Variants in TAFA1 observed in about 807,000 individuals in gnomAD.
The protein encoded by TAFA1 is chemokine-like protein TAFA-1.
Under a neutral mutation model 18.5 loss-of-function variants are expected in TAFA1, and 4 were observed. The observed-to-expected ratio is 0.22, with a 90% CI of 0.11 to 0.49. The LOEUF is 0.49. TAFA1 is among the 20% of genes least tolerant of loss of function. The probability of loss-of-function intolerance (pLI) is 0.98; values close to 1 mark genes in which losing one functional copy is unlikely to be tolerated. For missense variants in TAFA1, 147 were observed against 169.0 expected (o/e 0.87, Z 0.72); for synonymous variants, 56 against 55.2 (o/e 1.01, Z -0.06).
intron 2 of TAFA1, among the ~76,000 whole-genome samples, chr3:68,117,318 A>C (rs1268150050): frequency 6.6e-6 from 1 of 152,170 alleles, no homozygotes; most frequent in African/African-American, 2.4e-5. Context: ...ACATACTATG[A>C]GATTTTTTCC....
chr3:68,164,435 T>A (rs1316627552), intron 2 of TAFA1, among the ~76,000 whole-genome samples: 1 of 152,178 alleles, frequency 6.6e-6, no homozygotes, highest in African/African-American at 2.4e-5. Flanking sequence ...TTTGAATAAA[T>A]CCTTTTTGTC....
intron 2 of TAFA1, among the ~76,000 whole-genome samples, chr3:68,057,575 G>A (rs1006084092): frequency 1.1e-4 from 17 of 152,132 alleles, no homozygotes; most frequent in African/African-American, 3.6e-4. Context: ...TGCAAAATAA[G>A]GGCTCTCCCT....
At chr3:68,253,289 T>A (rs933729276) in intron 2 of TAFA1, among the ~76,000 whole-genome samples, 1 of 152,182 alleles carries the variant, frequency 6.6e-6, no homozygotes, top group Non-Finnish European at 1.5e-5. Context: ...TTGGTATACT[T>A]GTCAAAATGA....
intron 2 of TAFA1, among the ~76,000 whole-genome samples, chr3:68,212,094 C>T (rs754331051): frequency 2.6e-5 from 4 of 151,838 alleles, no homozygotes; most frequent in African/African-American, 4.8e-5. Flanking sequence ...AGGGTAGCCA[C>T]AGTGGGCTTT....
chr3:68,050,308 C>T (rs1057160090), intron 2 of TAFA1, among the ~76,000 whole-genome samples: 7 of 152,164 alleles, frequency 4.6e-5, no homozygotes, highest in African/African-American at 1.7e-4. Context: ...GTATCACCCT[C>T]AGACTCTTTG....
At chr3:68,374,842 G>T (rs79453415) in intron 2 of TAFA1, among the ~76,000 whole-genome samples, 1,633 of 152,244 alleles carry the variant, frequency 0.011, 29 homozygotes, top group African/African-American at 0.037. Flanking sequence ...TTATCTCAAT[G>T]ATCTCAGACA....
intron 3 of TAFA1, among the ~76,000 whole-genome samples, chr3:68,535,977 G>T (rs1479906282): frequency 1.3e-5 from 2 of 152,148 alleles, no homozygotes; most frequent in Non-Finnish European, 2.9e-5. Context: ...ATAGCTATTT[G>T]TGGCAATTGC....
intron 2 of TAFA1, among the ~76,000 whole-genome samples, chr3:68,046,548 A>G (rs1450198668): frequency 1.3e-5 from 2 of 152,152 alleles, no homozygotes; most frequent in Non-Finnish European, 2.9e-5. Flanking sequence ...TTAGGGTCCA[A>G]TTGTCTTATT....
At chr3:68,348,426 A>G (rs2069203969) in intron 2 of TAFA1, among the ~76,000 whole-genome samples, 1 of 152,104 alleles carries the variant, frequency 6.6e-6, no homozygotes, top group Non-Finnish European at 1.5e-5. Flanking sequence ...CATCAAATAT[A>G]TTTGGCCACT....
At chr3:68,367,802 A>G (rs1328410556) in intron 2 of TAFA1, among the ~76,000 whole-genome samples, 2 of 152,254 alleles carry the variant, frequency 1.3e-5, no homozygotes, top group East Asian at 3.9e-4. Context: ...TTTTAAGCCA[A>G]GGTTGAGAAG....
At chr3:68,161,795 A>C (rs568050036) in intron 2 of TAFA1, among the ~76,000 whole-genome samples, 142 of 152,262 alleles carry the variant, frequency 9.3e-4, no homozygotes, top group Non-Finnish European at 1.1e-3. Context: ...TCTTATTGGC[A>C]TGGAGACTTG....
At chr3:68,453,845 C>T (rs2071609267) in intron 3 of TAFA1, among the ~76,000 whole-genome samples, 1 of 152,194 alleles carries the variant, frequency 6.6e-6, no homozygotes, top group East Asian at 1.9e-4. Context: ...CCATAATCCT[C>T]TGCATGCATA....
chr3:68,389,328 C>G (rs982747518), intron 2 of TAFA1, among the ~76,000 whole-genome samples: 2 of 152,116 alleles, frequency 1.3e-5, no homozygotes, highest in Non-Finnish European at 2.9e-5. Context: ...AACCTGGCCT[C>G]TTTGTGACTA....
intron 2 of TAFA1, among the ~76,000 whole-genome samples, chr3:68,081,021 C>CT (rs2064891471): frequency 6.6e-6 from 1 of 152,020 alleles, no homozygotes; most frequent in African/African-American, 2.4e-5. Context: ...TCTTTTTATT[C>CT]TTTTTTCTCT....
chr3:68,234,696 A>T (rs913103078), intron 2 of TAFA1, among the ~76,000 whole-genome samples: 15 of 152,168 alleles, frequency 9.9e-5, no homozygotes, highest in African/African-American at 3.6e-4. Context: ...ATTTTCACTC[A>T]TTGGTTAGTT....
At chr3:68,234,350 T>G (rs1264081926) in intron 2 of TAFA1, among the ~76,000 whole-genome samples, 1 of 152,104 alleles carries the variant, frequency 6.6e-6, no homozygotes, top group East Asian at 1.9e-4. Context: ...CAGATTTAGG[T>G]TTCTTTCACA....
intron 2 of TAFA1, among the ~76,000 whole-genome samples, chr3:68,188,541 A>AGT (rs1381221655): frequency 6.7e-6 from 1 of 148,758 alleles, no homozygotes; most frequent in Non-Finnish European, 1.5e-5. Flanking sequence ...AGAGAGAGAG[A>AGT]GTACCATCAG....
chr3:68,269,017 T>C (rs930414789), intron 2 of TAFA1, among the ~76,000 whole-genome samples: 2 of 152,144 alleles, frequency 1.3e-5, no homozygotes, highest in East Asian at 3.9e-4. Flanking sequence ...TCCTCCCTTC[T>C]TTCCTTCCCT....
chr3:68,307,919 C>T (rs1045241309), intron 2 of TAFA1, among the ~76,000 whole-genome samples: 39 of 152,178 alleles, frequency 2.6e-4, no homozygotes, highest in Admixed American at 1.8e-3. Flanking sequence ...TCACTGGTTT[C>T]TAATATGACT....
Sources: gnomAD v4.1 joint callset for allele counts (sites outside exome capture counted in the v4.1 genomes callset) on GRCh38, gnomAD v4.1.1 for gene constraint, MANE v1.5 for transcripts, NCBI Gene and HGNC (gene_info 2026-07-23, HGNC 2026-07-21) for gene names.